Variants in PIN4 observed in about 807,000 individuals in gnomAD.
The protein encoded by PIN4 is peptidyl-prolyl cis-trans isomerase NIMA-interacting 4.
In PIN4, 3 loss-of-function variants were observed where a neutral mutation model predicts 8.3. The observed-to-expected ratio is 0.36, with a 90% CI of 0.16 to 0.93. The LOEUF (loss-of-function observed/expected upper bound fraction) is 0.93, where lower values mean the gene tolerates loss of function less well. PIN4 is among the 40% of genes least tolerant of loss of function. The pLI is 0.44. For missense variants in PIN4, 75 were observed against 100.6 expected (o/e 0.75, Z 1.09); for synonymous variants, 18 against 32.5 (o/e 0.55, Z 1.52).
chrX:72,222,508 C>T (rs909675503), intron 3 of PIN4, among the ~76,000 whole-genome samples: 2 of 110,982 alleles, frequency 1.8e-5, no homozygotes, highest in Non-Finnish European at 3.8e-5. Flanking sequence ...TTACCTGTCT[C>T]CTCACGGGCA....
chrX:72,236,404 T>C (rs1215604105), intron 3 of PIN4, among the ~76,000 whole-genome samples: 2 of 111,717 alleles, frequency 1.8e-5, no homozygotes, highest in Non-Finnish European at 3.8e-5. Context: ...GTTGAAGCAA[T>C]TCTGCCTCAG....
At chrX:72,206,169 A>G (rs377308473) in intron 3 of PIN4, 80 of 1,210,356 alleles carry the variant, frequency 6.6e-5, no homozygotes, top group Non-Finnish European at 8.3e-5. Flanking sequence ...TAAGTACATA[A>G]TTAAAACTTT....
At chrX:72,203,148 G>A (rs2042797193), downstream of PIN4, among the ~76,000 whole-genome samples, 1 of 111,879 alleles carries the variant, frequency 8.9e-6, no homozygotes, top group Admixed American at 9.5e-5. Flanking sequence ...CCTTAACAAT[G>A]GAGTTTGGAG....
intron 1 of PIN4, among the ~76,000 whole-genome samples, chrX:72,182,926 A>G (rs1159951988): frequency 8.9e-6 from 1 of 112,127 alleles, no homozygotes; most frequent in Admixed American, 9.5e-5. Flanking sequence ...ATATTCTGCT[A>G]AGAAGGACAG....
At chrX:72,215,165 G>C (rs1019602296) in intron 3 of PIN4, among the ~76,000 whole-genome samples, 2 of 112,056 alleles carry the variant, frequency 1.8e-5, no homozygotes, top group Non-Finnish European at 3.8e-5. Flanking sequence ...CTTATATCAA[G>C]TTCTAAAATA....
chrX:72,185,377 C>G (rs73550746), intron 1 of PIN4, among the ~76,000 whole-genome samples: 10,935 of 110,025 alleles, frequency 0.099, 680 homozygotes, highest in South Asian at 0.23. Flanking sequence ...CTTTCTTTGG[C>G]TAACCAGCTC....
At chrX:72,256,494 A>G (rs943290893) in intron 3 of PIN4, among the ~76,000 whole-genome samples, 14 of 111,499 alleles carry the variant, frequency 1.3e-4, no homozygotes, top group Non-Finnish European at 2.3e-4. Context: ...CAGGCCTTCA[A>G]TGAATTGGAT....
chrX:72,206,488 G>A, intron 3 of PIN4: 1 of 1,211,292 alleles, frequency 8.3e-7, no homozygotes, highest in Non-Finnish European at 1.1e-6. Context: ...AGTATGATGA[G>A]TACTTAGAAG....
At chrX:72,239,329 C>A (rs1425203918) in intron 3 of PIN4, among the ~76,000 whole-genome samples, 3 of 112,211 alleles carry the variant, frequency 2.7e-5, no homozygotes, top group Non-Finnish European at 5.7e-5. Context: ...TTGCGGCGAC[C>A]CCTGGAGATC....
chrX:72,192,068 C>A (rs1342916352), intron 2 of PIN4, among the ~76,000 whole-genome samples: 1 of 110,983 alleles, frequency 9.0e-6, no homozygotes, highest in Non-Finnish European at 1.9e-5. Flanking sequence ...TCTCCTGCTT[C>A]AGCCTCCCGA....
rs2042749822 is a variant in PIN4, at chrX:72,193,912, T to C, written c.118-2873T>C. ...GAAAAAAGCTTATAGAATAAGGATA[T>C]GAAGAAAGAAAATAGTTTTGTACAG... On this transcript the variant is annotated intron_variant, in intron 2 of 3. Transcript: ENST00000373669. Among the ~76,000 whole-genome samples, 4 of 110,033 alleles carry C rather than the reference T, an allele frequency of 3.6e-5. No individual in the cohort carries two copies. In the Admixed American group the frequency reaches 3.9e-4, roughly 11 times the overall value.
At chrX:72,220,841 T>C (rs1239535704) in intron 3 of PIN4, among the ~76,000 whole-genome samples, 1 of 112,073 alleles carries the variant, frequency 8.9e-6, no homozygotes, top group Non-Finnish European at 1.9e-5. Context: ...TGCCTCTAAC[T>C]GTCAAGCATT....
At chrX:72,218,624 G>C (rs1446314199) in intron 3 of PIN4, among the ~76,000 whole-genome samples, 1 of 109,505 alleles carries the variant, frequency 9.1e-6, no homozygotes, top group African/African-American at 3.3e-5. Context: ...CTCCCGAGCA[G>C]CTGGGATTAT....
chrX:72,195,931 C>T (rs776278406), intron 2 of PIN4, among the ~76,000 whole-genome samples: 2 of 109,637 alleles, frequency 1.8e-5, no homozygotes, highest in South Asian at 3.9e-4. Context: ...CCGGCCTGGC[C>T]AACGTGGTGA....
chrX:72,234,158 T>C (rs1341212424), intron 3 of PIN4, among the ~76,000 whole-genome samples: 1 of 111,982 alleles, frequency 8.9e-6, no homozygotes, highest in African/African-American at 3.2e-5. Flanking sequence ...ACTTAAGTAT[T>C]TCAGCGTGAA....
chrX:72,206,196 C>G, intron 3 of PIN4: 1 of 1,211,558 alleles, frequency 8.3e-7, no homozygotes, highest in Non-Finnish European at 1.1e-6. Flanking sequence ...GATCCTCTTG[C>G]AGTGCCTCTT....
chrX:72,189,984 T>G (rs1449762176), intron 2 of PIN4, among the ~76,000 whole-genome samples: 1 of 110,790 alleles, frequency 9.0e-6, no homozygotes, highest in African/African-American at 3.3e-5. Flanking sequence ...TTTGTCGCTA[T>G]AAGCTCTGCA....
chrX:72,249,231 G>C (rs1196383078), intron 3 of PIN4, among the ~76,000 whole-genome samples: 2 of 111,996 alleles, frequency 1.8e-5, no homozygotes, highest in African/African-American at 6.5e-5. Flanking sequence ...TTTTCCATTA[G>C]GGAAATGCAA....
Position 72,192,109 on chromosome X carries a change from T to G in PIN4, c.118-4676T>G, listed in dbSNP as rs144629210. ...TGGGATTACAGGCATCCACCACCACTCCCGGCTAATTGTTTGTAGTTTTAG... is the reference window on the plus strand; with the variant it reads ...TGGGATTACAGGCATCCACCACCACGCCCGGCTAATTGTTTGTAGTTTTAG... On this transcript the variant is annotated intron_variant, in intron 2 of 3. Coordinates refer to ENST00000373669, the MANE Select transcript of PIN4 (RefSeq NM_006223.4). 4.1e-3 allele frequency among the ~76,000 whole-genome samples: 457 copies of G among 110,262 alleles called. 9 individuals are homozygous for G. Among genetic ancestry groups the G allele is most frequent in the African/African-American group, 0.015 (441 of 30,228 alleles).
Sources: gnomAD v4.1 joint callset for allele counts (sites outside exome capture counted in the v4.1 genomes callset) on GRCh38, gnomAD v4.1.1 for gene constraint, MANE v1.5 for transcripts, NCBI Gene and HGNC (gene_info 2026-07-23, HGNC 2026-07-21) for gene names.